TBC1D21: variants seen among roughly 807,000 people sequenced by gnomAD.
TBC1D21 encodes the protein TBC1 domain family member 21.
In TBC1D21, 38 loss-of-function variants were observed where a neutral mutation model predicts 46.0. That is an observed-to-expected ratio of 0.83 (90% CI 0.64 to 1.08). The LOEUF (loss-of-function observed/expected upper bound fraction) is 1.08, where lower values mean the gene tolerates loss of function less well. TBC1D21 is among the 50% of genes least tolerant of loss of function. The pLI, the probability that TBC1D21 is intolerant of heterozygous loss-of-function variation, is 0.00. For missense variants in TBC1D21, 415 were observed against 417.9 expected (o/e 0.99, Z 0.06); for synonymous variants, 151 against 157.2 (o/e 0.96, Z 0.29).
chr15:73,892,061 G>T (rs1454063670), downstream of TBC1D21, among the ~76,000 whole-genome samples: 9 of 152,146 alleles, frequency 5.9e-5, no homozygotes, highest in Admixed American at 5.2e-4. Context: ...TTCTGGGTCT[G>T]CCCATGGCCA....
In TBC1D21 at chr15:73,881,415, C is replaced by T. The variant is rs149832075; in HGVS notation, c.77C>T (p.Pro26Leu). Residue 26 changes from proline (P) to leucine (L), a missense_variant, in exon 2 of 11, where the codon CCC (proline) becomes CTC (leucine). Coordinates refer to ENST00000300504, the MANE Select transcript of TBC1D21 (RefSeq NM_153356.3). Reference protein sequence around the residue: ...ASFILVKRKPPIDKTEWDSFF... With the variant: ...ASFILVKRKPLIDKTEWDSFF... Reference sequence around the variant, plus strand: ...TTTTGCCAGGTGAAGAGAAAACCACCCATTGACAAGACAGAATGGGACAGC... The same window carrying T: ...TTTTGCCAGGTGAAGAGAAAACCACTCATTGACAAGACAGAATGGGACAGC... 5 of 1,614,022 alleles carry T rather than the reference C, an allele frequency of 3.1e-6. No homozygotes were observed. The highest frequency in any genetic ancestry group is 4.2e-6 in the Non-Finnish European group (5 of 1,180,008).
chr15:73,882,025 G>T (rs912420828), intron 3 of TBC1D21, among the ~76,000 whole-genome samples: 29 of 151,964 alleles, frequency 1.9e-4, no homozygotes, highest in Non-Finnish European at 3.4e-4. Context: ...CTTCCTTATG[G>T]CCTATGCATT....
At chr15:73,883,144 G>A (rs1401522847) in intron 3 of TBC1D21, among the ~76,000 whole-genome samples, 1 of 152,182 alleles carries the variant, frequency 6.6e-6, no homozygotes, top group Non-Finnish European at 1.5e-5. Flanking sequence ...TGAAGCAGGG[G>A]CTAGGCCCAG....
chr15:73,887,472 G>A, intron 8 of TBC1D21, 148 bp from the exon 9 acceptor site: 1 of 676,592 alleles, frequency 1.5e-6, no homozygotes, highest in South Asian at 1.5e-5. Flanking sequence ...GAGTGAGTGA[G>A]TGAATGAAGG....
chr15:73,907,354 G>T, the TBC1D21 span, among the ~76,000 whole-genome samples: 1 of 152,184 alleles, frequency 6.6e-6, no homozygotes, highest in African/African-American at 2.4e-5. Context: ...ATCTTTGGTG[G>T]GGTCTGCATG....
chr15:73,889,234 T>C (rs887829977), downstream of TBC1D21: 34 of 1,121,442 alleles, frequency 3.0e-5, no homozygotes, highest in East Asian at 1.1e-4. Context: ...GTGGATGCTA[T>C]GTCTTTGACC....
At chr15:73,905,858 G>C in the TBC1D21 span, among the ~76,000 whole-genome samples, 4 of 152,202 alleles carry the variant, frequency 2.6e-5, no homozygotes, top group African/African-American at 4.8e-5. Context: ...GAGCAGCATA[G>C]GACCAAGCTG....
chr15:73,885,064 C>T lies in TBC1D21; in HGVS notation c.540C>T (p.His180=), dbSNP rs548356395. The change falls in exon 6 of 11, where the codon CAC becomes CAT. Residue 180 remains histidine, a synonymous_variant. Coordinates refer to ENST00000300504, the MANE Select transcript of TBC1D21 (RefSeq NM_153356.3). ...TCCAGCTGATGGTGGAGCACGACCA[C>T]GAGACCTTCTGGCTTTTCCAGTTCT... ...MLFQLMVEHD[H]ETFWLFQFFL... The T allele has an allele frequency of 7.2e-5, 116 of 1,613,562 alleles. No homozygotes were observed. In the Admixed American group the frequency reaches 1.6e-3, roughly 22 times the overall value.
chr15:73,882,644 T>C (rs2068175071), intron 3 of TBC1D21, among the ~76,000 whole-genome samples: 1 of 152,204 alleles, frequency 6.6e-6, no homozygotes, highest in Non-Finnish European at 1.5e-5. Context: ...ATTTCAGCAC[T>C]CTGATTTACA....
chr15:73,875,247 A>C lies in TBC1D21; in HGVS notation c.60+1478A>C, dbSNP rs369976600. On this transcript the variant is annotated intron_variant, in intron 1 of 10. Coordinates refer to ENST00000300504, the MANE Select transcript of TBC1D21 (RefSeq NM_153356.3). ...CTGGGCGACAGAGTGAGACTCCATC[A>C]AAAAAAAAAAAAAAGAAGAAGAAGA... Among the ~76,000 whole-genome samples, 57 of 34,336 alleles carry C rather than the reference A, an allele frequency of 1.7e-3. 1 individual carries two copies. The highest frequency in any genetic ancestry group is 4.2e-3 in the African/African-American group (49 of 11,532). 22.5% of individuals were successfully genotyped at this position (34,336 alleles called of 152,430 possible). A position where few individuals can be genotyped will look rare whatever the true frequency, so the allele number is the denominator to read the frequency against.
At chr15:73,894,905 G>A in the TBC1D21 span, among the ~76,000 whole-genome samples, 1 of 152,214 alleles carries the variant, frequency 6.6e-6, no homozygotes, top group Admixed American at 6.5e-5. Context: ...AAAAGCACTA[G>A]CTCCACTGTC....
At chr15:73,880,193 C>A (rs936095007) in intron 1 of TBC1D21, among the ~76,000 whole-genome samples, 9 of 152,062 alleles carry the variant, frequency 5.9e-5, no homozygotes, top group African/African-American at 2.2e-4. Flanking sequence ...CTGCACCTGA[C>A]CCTAGTTATT....
At chr15:73,896,589 G>A in the TBC1D21 span, among the ~76,000 whole-genome samples, 13 of 152,010 alleles carry the variant, frequency 8.6e-5, no homozygotes, top group Admixed American at 3.3e-4. Flanking sequence ...AGAACGTGGC[G>A]GAACAAAGGC....
chr15:73,877,651 G>T (rs1324646531), intron 1 of TBC1D21, among the ~76,000 whole-genome samples: 2 of 151,498 alleles, frequency 1.3e-5, no homozygotes, highest in Non-Finnish European at 1.5e-5. Flanking sequence ...TGTGAACATG[G>T]ATGCAAAAAT....
the TBC1D21 span, among the ~76,000 whole-genome samples, chr15:73,896,320 C>A: frequency 2.8e-4 from 19 of 68,398 alleles, no homozygotes; most frequent in African/African-American, 6.8e-4. Context: ...GAAGTCATGG[C>A]GAGGAGGAAA....
chr15:73,905,337 C>T, the TBC1D21 span, among the ~76,000 whole-genome samples: 1 of 152,196 alleles, frequency 6.6e-6, no homozygotes, highest in Non-Finnish European at 1.5e-5. Flanking sequence ...GCTAAATGAT[C>T]TGATTGTTTC....
At chr15:73,903,501 T>C in the TBC1D21 span, among the ~76,000 whole-genome samples, 1 of 148,664 alleles carries the variant, frequency 6.7e-6, no homozygotes, top group African/African-American at 2.6e-5. Flanking sequence ...TTATCTACCT[T>C]TTTCTCTTCC....
Position 73,884,905 on chromosome 15 carries a change from TCCCC to T in TBC1D21, c.478+15_478+18del. Reference sequence around the variant, plus strand: ...ACACGCAGGCAGGTGAGCCTCAGCCTCCCCTTGTCAATGCCCTCCCAGGACCTGG... The same window carrying T: ...ACACGCAGGCAGGTGAGCCTCAGCCTTTGTCAATGCCCTCCCAGGACCTGG... On this transcript the variant is annotated intron_variant, in intron 5 of 10. Transcript: ENST00000300504. The T allele has an allele frequency of 6.2e-7, 1 of 1,612,900 alleles. No individual in the cohort carries two copies. The highest frequency in any genetic ancestry group is 1.1e-5 in the South Asian group (1 of 90,990).
downstream of TBC1D21, among the ~76,000 whole-genome samples, chr15:73,889,717 T>C (rs1225967378): frequency 6.6e-6 from 1 of 152,254 alleles, no homozygotes; most frequent in African/African-American, 2.4e-5. Flanking sequence ...GTGCCTTCAT[T>C]TATCAGCCTG....
Sources: gnomAD v4.1 joint callset for allele counts (sites outside exome capture counted in the v4.1 genomes callset) on GRCh38, gnomAD v4.1.1 for gene constraint, MANE v1.5 for transcripts, NCBI Gene and HGNC (gene_info 2026-07-23, HGNC 2026-07-21) for gene names.